GNPAT: variants seen among roughly 807,000 people sequenced by gnomAD.
GNPAT encodes dihydroxyacetone phosphate acyltransferase.
Under a neutral mutation model 78.4 loss-of-function variants are expected in GNPAT, and 30 were observed. That is an observed-to-expected ratio of 0.38 (90% CI 0.29 to 0.52). The LOEUF is 0.52. GNPAT is among the 20% of genes least tolerant of loss of function. The probability of loss-of-function intolerance (pLI) is 0.84; values close to 1 mark genes in which losing one functional copy is unlikely to be tolerated. For synonymous variants in GNPAT, 271 were observed against 281.1 expected (o/e 0.96, Z 0.36); for missense variants, 714 against 812.2 (o/e 0.88, Z 1.47).
At chr1:231,246,951 C>T (rs1392409230) in intron 1 of GNPAT, among the ~76,000 whole-genome samples, 3 of 152,166 alleles carry the variant, frequency 2.0e-5, no homozygotes, top group African/African-American at 7.2e-5. Flanking sequence ...AGGTGGATCA[C>T]GAGGTCAGGA....
At chr1:231,261,121 G>A (rs1448089622) in intron 3 of GNPAT, among the ~76,000 whole-genome samples, 2 of 152,078 alleles carry the variant, frequency 1.3e-5, no homozygotes, top group Non-Finnish European at 2.9e-5. Context: ...TCAAAATAAG[G>A]AAATTAACAT....
intron 1 of GNPAT, among the ~76,000 whole-genome samples, chr1:231,244,341 G>C (rs1684693343): frequency 6.6e-6 from 1 of 152,182 alleles, no homozygotes; most frequent in Non-Finnish European, 1.5e-5. Context: ...GTAATCCAGA[G>C]AAGTAATGAA....
intron 1 of GNPAT, among the ~76,000 whole-genome samples, chr1:231,243,862 CTATG>C (rs1257351565): frequency 6.6e-6 from 1 of 151,520 alleles, no homozygotes; most frequent in East Asian, 1.9e-4. Flanking sequence ...AATCTTACAT[CTATG>C]TGTGTGTGTG....
At chr1:231,253,352 G>A (rs188473267) in intron 2 of GNPAT, among the ~76,000 whole-genome samples, 34 of 152,280 alleles carry the variant, frequency 2.2e-4, no homozygotes, top group Non-Finnish European at 4.1e-4. Flanking sequence ...TATTTGTTCT[G>A]CAACTTCCTC....
chr1:231,269,918 A>G (rs1256883597), intron 9 of GNPAT: 1 of 152,130 alleles, frequency 6.6e-6, no homozygotes, highest in Non-Finnish European at 1.5e-5. Flanking sequence ...ATCATTTCAC[A>G]TAAAATATTA....
At chr1:231,250,683 A>G (rs992681009) in intron 1 of GNPAT, among the ~76,000 whole-genome samples, 2 of 152,234 alleles carry the variant, frequency 1.3e-5, no homozygotes, top group East Asian at 1.9e-4. Context: ...TTAATGTCTC[A>G]TCTTTGCTGT....
At chr1:231,275,537 A>T (rs763815182) in intron 14 of GNPAT, 39 bp downstream of exon 14, 3 of 1,107,654 alleles carry the variant, frequency 2.7e-6, no homozygotes, top group Non-Finnish European at 4.2e-6. Flanking sequence ...CTCAAGGAAC[A>T]AGGAAATGAA....
intron 1 of GNPAT, among the ~76,000 whole-genome samples, chr1:231,247,353 C>T (rs1684778225): frequency 6.6e-6 from 1 of 152,242 alleles, no homozygotes; most frequent in East Asian, 1.9e-4. Context: ...ATGTATAGGA[C>T]ACCTTATCTA....
rs754252915 is a variant in GNPAT, at chr1:231,277,588, A to T, written c.*46A>T. 2 of 1,068,740 alleles carry T rather than the reference A, an allele frequency of 1.9e-6. No individual in the cohort carries two copies. The highest frequency in any genetic ancestry group is 2.4e-5 in the East Asian group (1 of 42,354). 66.2% of individuals were successfully genotyped at this position (1,068,740 alleles called of 1,614,324 possible). A position where few individuals can be genotyped will look rare whatever the true frequency, so the allele number is the denominator to read the frequency against. ...AAAATTCGGTCACGTAATTACTCTCATCGAAGGACTCATTACAACAAACAG... is the reference window on the plus strand; with the variant it reads ...AAAATTCGGTCACGTAATTACTCTCTTCGAAGGACTCATTACAACAAACAG... On this transcript the variant is annotated 3_prime_UTR_variant, in exon 16 of 16. Transcript: ENST00000366647.
intron 1 of GNPAT, among the ~76,000 whole-genome samples, chr1:231,243,682 T>TA (rs1258437774): frequency 1.4e-4 from 22 of 151,950 alleles, no homozygotes; most frequent in Admixed American, 9.2e-4. Flanking sequence ...GATGTTGATG[T>TA]AAAAAAAACT....
At chr1:231,274,155 G>T (rs1423200961) in intron 12 of GNPAT, 93 bp downstream of exon 12, 1 of 1,112,744 alleles carries the variant, frequency 9.0e-7, no homozygotes, top group Non-Finnish European at 1.4e-6. Context: ...TGAAGGGCAG[G>T]TATCTTCCCC....
intron 2 of GNPAT, among the ~76,000 whole-genome samples, chr1:231,254,413 A>G (rs1012489699): frequency 5.9e-5 from 9 of 152,006 alleles, no homozygotes; most frequent in Admixed American, 3.9e-4. Context: ...TACTCTCAGC[A>G]GATGGTTTTT....
At position 231,275,585 on chromosome 1, in the gene GNPAT, G is replaced by A. The variant is rs754430025; in HGVS notation, c.1937+87G>A. On this transcript the variant is annotated intron_variant, in intron 14 of 15. Transcript: ENST00000366647. ...TCAAAATCCAGAGAGACATAGAAAT[G>A]GATGATCTAGGAAATGCTATATTCT... 9.2e-5 allele frequency: 74 copies of A among 805,348 alleles called. 2 individuals are homozygous for A. The Middle Eastern group carries it at 6.2e-3, about 67-fold the overall frequency. The allele number at this position is 805,348 out of a possible 1,614,324, so 49.9% of individuals were successfully genotyped here.
At chr1:231,261,828 C>T (rs1685231531) in intron 3 of GNPAT, among the ~76,000 whole-genome samples, 1 of 152,184 alleles carries the variant, frequency 6.6e-6, no homozygotes, top group African/African-American at 2.4e-5. Flanking sequence ...CTTAACTTCA[C>T]TTGCCTTCCT....
intron 9 of GNPAT, among the ~76,000 whole-genome samples, chr1:231,268,372 G>C (rs1212025789): frequency 2.0e-5 from 3 of 152,160 alleles, no homozygotes; most frequent in Admixed American, 2.0e-4. Flanking sequence ...AACACAGCAC[G>C]TTGATTATTT....
rs1685638665 is a variant in GNPAT, at chr1:231,273,987, C to T, written c.1668C>T (p.Ile556=). ...SEAIQVTTKD[I]LVTEKGNTVL... ...CCATACAAGTGACTACGAAAGACAT[C>T]CTAGTTACAGAGAAAGGAAATACTG... The change falls in exon 12 of 16, where the codon ATC becomes ATT. Residue 556 remains isoleucine, a synonymous_variant. Transcript: ENST00000366647. 21 of 1,610,442 alleles carry T rather than the reference C, an allele frequency of 1.3e-5. No individual in the cohort carries two copies. Among genetic ancestry groups the T allele is most frequent in the Non-Finnish European group, 1.8e-5 (21 of 1,176,656 alleles).
At chr1:231,244,821 A>C (rs1031213207) in intron 1 of GNPAT, among the ~76,000 whole-genome samples, 1 of 152,194 alleles carries the variant, frequency 6.6e-6, no homozygotes, top group African/African-American at 2.4e-5. Flanking sequence ...AATGAAAAGA[A>C]GACTGAGGAT....
In GNPAT at chr1:231,241,314, C is replaced by G; in HGVS notation, c.-65C>G. The G allele has an allele frequency of 1.4e-6, 2 of 1,458,224 alleles. No homozygotes were observed. Among genetic ancestry groups the G allele is most frequent in the Non-Finnish European group, 1.9e-6 (2 of 1,037,782 alleles). 90.3% of individuals were successfully genotyped at this position (1,458,224 alleles called of 1,614,324 possible). On this transcript the variant is annotated 5_prime_UTR_variant, in exon 1 of 16. Coordinates refer to ENST00000366647, the MANE Select transcript of GNPAT (RefSeq NM_014236.4). ...GCCGTCCTGAGCGAAAGAACCGCCC[C>G]CAGCAGGAGCACCACCACGGCTTAG...
chr1:231,248,865 T>C (rs1233271643), intron 1 of GNPAT, among the ~76,000 whole-genome samples: 1 of 152,220 alleles, frequency 6.6e-6, no homozygotes, highest in Non-Finnish European at 1.5e-5. Flanking sequence ...CTAGGAGCAA[T>C]AGGCTAACCA....
Sources: allele counts gnomAD v4.1 joint callset (sites outside exome capture counted in the v4.1 genomes callset), GRCh38; gene constraint gnomAD v4.1.1; transcripts MANE v1.5; gene names NCBI Gene and HGNC (gene_info 2026-07-23, HGNC 2026-07-21).